DCX: variants seen among roughly 807,000 people sequenced by gnomAD.
DCX encodes doublecortin.
In DCX, 4 loss-of-function variants were observed where a neutral mutation model predicts 20.9. The observed-to-expected ratio is 0.19, with a 90% CI of 0.09 to 0.44. The LOEUF is 0.44. Ranked by LOEUF, DCX falls within the 20% of genes least tolerant of loss-of-function variation. The pLI, the probability that DCX is intolerant of heterozygous loss-of-function variation, is 0.99. For synonymous variants in DCX, 103 were observed against 111.4 expected (o/e 0.92, Z 0.47); for missense variants, 133 against 296.9 (o/e 0.45, Z 4.06).
intron 3 of DCX, among the ~76,000 whole-genome samples, chrX:111,373,274 G>A (rs1218316897): frequency 2.7e-5 from 3 of 111,710 alleles, no homozygotes; most frequent in Non-Finnish European, 5.6e-5. Flanking sequence ...ACACCATTTA[G>A]ATATAGGGAT....
At chrX:111,399,310 G>A (rs764658366) in intron 3 of DCX, among the ~76,000 whole-genome samples, 1 of 111,193 alleles carries the variant, frequency 9.0e-6, no homozygotes, top group African/African-American at 3.3e-5. Context: ...CATGCTCAGG[G>A]CAGGTGTGAT....
At chrX:111,352,611 C>T (rs1923401527) in intron 3 of DCX, among the ~76,000 whole-genome samples, 2 of 111,875 alleles carry the variant, frequency 1.8e-5, no homozygotes, top group African/African-American at 3.3e-5. Context: ...CCTTCCCAGG[C>T]TCTGAGGGCC....
At chrX:111,386,427 G>T (rs780967901) in intron 3 of DCX, among the ~76,000 whole-genome samples, 114 of 111,214 alleles carry the variant, frequency 1.0e-3, no homozygotes, top group Middle Eastern at 4.7e-3. Flanking sequence ...GCAATGTAAA[G>T]TAAAACCCCA....
At chrX:111,356,542 G>A (rs1923749533) in intron 3 of DCX, among the ~76,000 whole-genome samples, 1 of 112,329 alleles carries the variant, frequency 8.9e-6, no homozygotes, top group African/African-American at 3.2e-5. Flanking sequence ...TCTAAGGACG[G>A]GGAGTGAGAG....
chrX:111,301,650 G>A lies in DCX; in HGVS notation c.*37C>T. ...AGTACCCTACTACAATGATAGGCTT[G>A]GATTTGTACTCTGGACTCTGAGCAC... On this transcript the variant is annotated 3_prime_UTR_variant, in exon 7 of 7. Coordinates refer to ENST00000636035, the MANE Select transcript of DCX (RefSeq NM_001195553.2). 3 of 1,192,214 alleles carry A rather than the reference G, an allele frequency of 2.5e-6. No individual in the cohort carries two copies. The highest frequency in any genetic ancestry group is 3.4e-6 in the Non-Finnish European group (3 of 877,701).
chrX:111,307,951 T>C (rs902458325), intron 6 of DCX, among the ~76,000 whole-genome samples: 19 of 111,953 alleles, frequency 1.7e-4, no homozygotes, highest in Admixed American at 7.6e-4. Context: ...TGTGAGACTC[T>C]GAATTAATGG....
At chrX:111,323,158 T>C (rs1021514819) in intron 5 of DCX, among the ~76,000 whole-genome samples, 1 of 111,939 alleles carries the variant, frequency 8.9e-6, no homozygotes, top group African/African-American at 3.2e-5. Flanking sequence ...GTGCAGGGAC[T>C]AGGATAAACT....
chrX:111,379,857 C>T (rs1015361978), intron 3 of DCX, among the ~76,000 whole-genome samples: 8 of 111,085 alleles, frequency 7.2e-5, no homozygotes, highest in African/African-American at 9.8e-5. Flanking sequence ...AACTTCCTTG[C>T]CAATGCTTAT....
rs750647815 is a variant in DCX, at chrX:111,401,248, G to A, written c.447C>T (p.Asn149=). 19 of 1,209,965 alleles carry A rather than the reference G, an allele frequency of 1.6e-5. No homozygotes were observed. Among genetic ancestry groups the A allele is most frequent in the Middle Eastern group, 2.3e-4 (1 of 4,347 alleles). Residue 149 remains asparagine, a synonymous_variant, in exon 3 of 7, where the codon AAC becomes AAT. Coordinates refer to ENST00000636035, the MANE Select transcript of DCX (RefSeq NM_001195553.2). Reference sequence around the variant, plus strand: ...CTTTCATATTGGCAGATGTTTTTACGTTGACAGACCAGTTGGGATTGACAT... The same window carrying A: ...CTTTCATATTGGCAGATGTTTTTACATTGACAGACCAGTTGGGATTGACAT... ...TKNVNPNWSV[N]VKTSANMKAP...
Position 111,294,920 on chromosome X carries a change from A to C in DCX, c.*6767T>G, listed in dbSNP as rs1213083803. On this transcript the variant is annotated 3_prime_UTR_variant, in exon 7 of 7. Transcript: ENST00000636035. ...AGAAAGGGTGGGCTGTTTCCATTTT[A>C]AACTTTCTCCCTTTGAAAATGGCCA... 8.9e-6 allele frequency: 1 copy of C among 112,424 alleles called. No homozygotes were observed. The highest frequency in any genetic ancestry group is 1.9e-5 in the Non-Finnish European group (1 of 53,254). The allele number at this position is 112,424 out of a possible 1,213,427, so 9.3% of individuals were successfully genotyped here. A position where few individuals can be genotyped will look rare whatever the true frequency, so the allele number is the denominator to read the frequency against.
At chrX:111,359,736 T>G (rs1228547618) in intron 3 of DCX, among the ~76,000 whole-genome samples, 1 of 112,085 alleles carries the variant, frequency 8.9e-6, no homozygotes, top group African/African-American at 3.2e-5. Context: ...TTAATTAATT[T>G]GAACATGCTG....
In DCX at chrX:111,299,308, T is replaced by C. The variant is rs2095028552; in HGVS notation, c.*2379A>G. ...GAAGATGTACTATTGTTATTGAAGA[T>C]TGTTGGTTCAAAGGTTATCCTAAAG... On this transcript the variant is annotated 3_prime_UTR_variant, in exon 7 of 7. Transcript: ENST00000636035. The C allele has an allele frequency of 2.7e-5, 3 of 111,587 alleles. No homozygotes were observed. Among genetic ancestry groups the C allele is most frequent in the South Asian group, 3.8e-4 (1 of 2,664 alleles). 9.2% of individuals were successfully genotyped at this position (111,587 alleles called of 1,213,427 possible). A position where few individuals can be genotyped will look rare whatever the true frequency, so the allele number is the denominator to read the frequency against.
chrX:111,397,128 C>A (rs1029533546), intron 3 of DCX, among the ~76,000 whole-genome samples: 6 of 111,726 alleles, frequency 5.4e-5, no homozygotes, highest in Non-Finnish European at 1.1e-4. Flanking sequence ...AAATGATACA[C>A]ACAATTACAG....
intron 2 of DCX, among the ~76,000 whole-genome samples, chrX:111,406,984 T>C (rs1054511706): frequency 8.9e-6 from 1 of 112,200 alleles, no homozygotes; most frequent in Non-Finnish European, 1.9e-5. Flanking sequence ...AGAGTTATTT[T>C]AAAAATAATT....
chrX:111,313,106 G>T (rs1038159356), intron 5 of DCX, among the ~76,000 whole-genome samples: 1 of 111,135 alleles, frequency 9.0e-6, no homozygotes. Context: ...GAGGACAAAA[G>T]TGAGGCACAG....
chrX:111,345,613 G>A (rs1360072937), intron 3 of DCX, among the ~76,000 whole-genome samples: 1 of 111,307 alleles, frequency 9.0e-6, no homozygotes, highest in Non-Finnish European at 1.9e-5. Flanking sequence ...AGAATAAGAC[G>A]TTTACATGGC....
chrX:111,318,335 A>G lies in DCX; in HGVS notation c.947-5599T>C, dbSNP rs773230531. On this transcript the variant is annotated intron_variant, in intron 5 of 6. Transcript: ENST00000636035. The stretch of plus-strand genomic sequence containing the variant: ...TCCTCAAAGAACCTAAAACTGAATT[A>G]CCTCAGTGTACCCTAAAACTTAAAG... Among the ~76,000 whole-genome samples, 16 of 106,041 alleles carry G rather than the reference A, an allele frequency of 1.5e-4. No individual in the cohort carries two copies. The South Asian group carries it at 6.7e-3, about 44-fold the overall frequency. The allele number at this position is 106,041 out of a possible 115,157, so 92.1% of individuals were successfully genotyped here. A position where few individuals can be genotyped will look rare whatever the true frequency, so the allele number is the denominator to read the frequency against.
chrX:111,409,178 G>T (rs73637018), intron 2 of DCX, among the ~76,000 whole-genome samples: 2,609 of 111,323 alleles, frequency 0.023, 79 homozygotes, highest in African/African-American at 0.08. Context: ...CAGTATAATT[G>T]ATTTGATAAT....
intron 2 of DCX, among the ~76,000 whole-genome samples, chrX:111,405,417 G>A (rs1928131676): frequency 8.9e-6 from 1 of 112,134 alleles, no homozygotes; most frequent in Non-Finnish European, 1.9e-5. Context: ...TAGTGAGAAG[G>A]TGGATTCATC....
Sources: allele counts gnomAD v4.1 joint callset (sites outside exome capture counted in the v4.1 genomes callset), GRCh38; gene constraint gnomAD v4.1.1; transcripts MANE v1.5; gene names NCBI Gene and HGNC (gene_info 2026-07-23, HGNC 2026-07-21).